Variants in ANXA3 observed in about 807,000 individuals in gnomAD.
ANXA3 encodes annexin A3, also known as 35-alpha calcimedin.
Under a neutral mutation model 48.8 loss-of-function variants are expected in ANXA3, and 46 were observed. The observed-to-expected ratio is 0.94, with a 90% CI of 0.74 to 1.21. The LOEUF is 1.21. Among genes scored for constraint, ANXA3 ranks in the 50% most tolerant of loss-of-function variants. ANXA3 has a pLI of 0.00. For synonymous variants in ANXA3, 128 were observed against 134.7 expected (o/e 0.95, Z 0.35); for missense variants, 383 against 378.6 (o/e 1.01, Z -0.10).
intron 12 of ANXA3, among the ~76,000 whole-genome samples, chr4:78,606,013 A>G (rs1207007367): frequency 6.6e-6 from 1 of 152,186 alleles, no homozygotes; most frequent in Non-Finnish European, 1.5e-5. Flanking sequence ...AGTGATAGAG[A>G]GTGTTAGTCC....
At chr4:78,574,928 T>G (rs1722916025) in intron 3 of ANXA3, among the ~76,000 whole-genome samples, 1 of 152,216 alleles carries the variant, frequency 6.6e-6, no homozygotes, top group Non-Finnish European at 1.5e-5. Flanking sequence ...AACTAGAAAT[T>G]TTGCCATACT....
chr4:78,581,011 G>A (rs1382226515), intron 4 of ANXA3, among the ~76,000 whole-genome samples: 2 of 152,232 alleles, frequency 1.3e-5, no homozygotes, highest in Middle Eastern at 3.2e-3. Context: ...GGAATAGGAT[G>A]AGAGCTGTGA....
At chr4:78,578,504 T>G (rs1723009299) in intron 3 of ANXA3, among the ~76,000 whole-genome samples, 1 of 152,174 alleles carries the variant, frequency 6.6e-6, no homozygotes, top group African/African-American at 2.4e-5. Flanking sequence ...ACTCAGCAGT[T>G]GTGTGACTTT....
intron 8 of ANXA3, 147 bp from the exon 9 acceptor site, chr4:78,595,647 C>T (rs1487422859): frequency 1.3e-6 from 1 of 748,372 alleles, no homozygotes; most frequent in African/African-American, 1.8e-5. Context: ...CTCCTGACAG[C>T]CCAATTTTTG....
At chr4:78,571,496 G>C (rs575076371) in intron 2 of ANXA3, among the ~76,000 whole-genome samples, 1 of 152,240 alleles carries the variant, frequency 6.6e-6, no homozygotes, top group Admixed American at 6.5e-5. Context: ...ATATTTTACT[G>C]TGCCAGAACA....
intron 6 of ANXA3, among the ~76,000 whole-genome samples, chr4:78,588,559 C>T (rs1226552093): frequency 6.6e-6 from 1 of 152,134 alleles, no homozygotes; most frequent in Admixed American, 6.5e-5. Context: ...TGGCTGATGT[C>T]GGGACCTCAG....
intron 2 of ANXA3, among the ~76,000 whole-genome samples, chr4:78,556,725 T>A (rs1722518501): frequency 2.6e-5 from 4 of 151,954 alleles, no homozygotes; most frequent in African/African-American, 9.7e-5. Context: ...GAACATATCA[T>A]AGAATCAGAT....
chr4:78,585,800 A>G (rs1288629635), intron 5 of ANXA3, among the ~76,000 whole-genome samples: 1 of 152,228 alleles, frequency 6.6e-6, no homozygotes, highest in African/African-American at 2.4e-5. Context: ...CATGCCAGCC[A>G]GGCCCATGAT....
intron 10 of ANXA3, among the ~76,000 whole-genome samples, chr4:78,600,760 T>C (rs1723518523): frequency 6.6e-6 from 1 of 152,194 alleles, no homozygotes; most frequent in Non-Finnish European, 1.5e-5. Context: ...AGAGATCAGA[T>C]TTAAGATTAT....
chr4:78,581,475 G>C (rs1002120615), intron 4 of ANXA3, among the ~76,000 whole-genome samples: 8 of 152,082 alleles, frequency 5.3e-5, no homozygotes, highest in Non-Finnish European at 8.8e-5. Context: ...GTTTCAAATA[G>C]CTAGAAGGAG....
At chr4:78,599,181 C>T (rs1194233453) in intron 10 of ANXA3, among the ~76,000 whole-genome samples, 1 of 152,116 alleles carries the variant, frequency 6.6e-6, no homozygotes, top group East Asian at 1.9e-4. Context: ...CAATTCAATG[C>T]TTTTTAATGT....
intron 10 of ANXA3, among the ~76,000 whole-genome samples, chr4:78,598,624 C>T (rs1723475047): frequency 6.6e-6 from 1 of 152,050 alleles, no homozygotes; most frequent in African/African-American, 2.4e-5. Context: ...ACTGCAACCT[C>T]CGCCTTCCAG....
intron 2 of ANXA3, among the ~76,000 whole-genome samples, chr4:78,563,241 G>T (rs1266339335): frequency 2.0e-5 from 3 of 152,144 alleles, no homozygotes; most frequent in Admixed American, 1.3e-4. Context: ...TATGTAAGAA[G>T]TATTCTGCCC....
intron 9 of ANXA3, 103 bp downstream of exon 9, chr4:78,595,990 G>C: frequency 2.8e-6 from 2 of 714,024 alleles, no homozygotes; most frequent in South Asian, 3.6e-5. Flanking sequence ...AAATTGCGAA[G>C]TCTGTTCCAG....
At chr4:78,588,986 G>A (rs28620217) in intron 6 of ANXA3, among the ~76,000 whole-genome samples, 5,820 of 152,216 alleles carry the variant, frequency 0.038, 385 homozygotes, top group African/African-American at 0.13. Flanking sequence ...GTATTTTCTG[G>A]TGTTTCTTAG....
At chr4:78,557,721 C>T (rs1272924950) in intron 2 of ANXA3, among the ~76,000 whole-genome samples, 1 of 149,788 alleles carries the variant, frequency 6.7e-6, no homozygotes, top group Non-Finnish European at 1.5e-5. Flanking sequence ...TGTTTACCTC[C>T]TCTCCCTCAA....
chr4:78,581,431 G>A (rs1024098114), intron 4 of ANXA3, among the ~76,000 whole-genome samples: 3 of 152,100 alleles, frequency 2.0e-5, no homozygotes, highest in South Asian at 2.1e-4. Context: ...GTGTTCCATC[G>A]CCCTGTAGGA....
intron 6 of ANXA3, among the ~76,000 whole-genome samples, chr4:78,590,795 C>A (rs112483671): frequency 7.0e-6 from 1 of 142,928 alleles, no homozygotes; most frequent in Admixed American, 6.7e-5. Context: ...GGGTTAGATT[C>A]GATAAAACAG....
intron 5 of ANXA3, among the ~76,000 whole-genome samples, chr4:78,585,210 T>C (rs1723146872): frequency 6.6e-6 from 1 of 152,230 alleles, no homozygotes. Flanking sequence ...CAGGTGTAAT[T>C]GTAAGGATTA....
Sources: gnomAD v4.1 joint callset for allele counts (sites outside exome capture counted in the v4.1 genomes callset) on GRCh38, gnomAD v4.1.1 for gene constraint, MANE v1.5 for transcripts, NCBI Gene and HGNC (gene_info 2026-07-23, HGNC 2026-07-21) for gene names.